Variants in EPHX1 observed in about 807,000 individuals in gnomAD.
EPHX1 encodes the protein epoxide hydrolase 1.
Under a neutral mutation model 43.2 loss-of-function variants are expected in EPHX1, and 40 were observed. The ratio of observed to expected loss-of-function variants is 0.93; its 90% CI spans 0.72 to 1.21. EPHX1 has a LOEUF of 1.21. EPHX1 is among the 50% of genes most tolerant of loss of function. EPHX1 has a pLI of 0.00. For missense variants in EPHX1, 550 were observed against 570.4 expected, an observed-to-expected ratio of 0.96 and a Z score of 0.36; for synonymous variants, 221 against 226.7, an observed-to-expected ratio of 0.98 and a Z score of 0.22.
intron 3 of EPHX1, among the ~76,000 whole-genome samples, chr1:225,836,196 T>TG (rs1559023291): frequency 6.6e-6 from 1 of 152,226 alleles, no homozygotes; most frequent in African/African-American, 2.4e-5. Context: ...GTGTGAGTCC[T>TG]GGATGGGATC....
chr1:225,843,622 C>G (rs1025837678), intron 7 of EPHX1, among the ~76,000 whole-genome samples: 1 of 152,200 alleles, frequency 6.6e-6, no homozygotes, highest in African/African-American at 2.4e-5. Context: ...CTAGGCCACT[C>G]CTGCAGCTCT....
At chr1:225,813,127 G>GA (rs1378967564) in intron 1 of EPHX1, among the ~76,000 whole-genome samples, 2 of 152,224 alleles carry the variant, frequency 1.3e-5, no homozygotes, top group Non-Finnish European at 2.9e-5. Flanking sequence ...TTCAGGAAAG[G>GA]AATGTGTAGG....
chr1:225,823,200 C>CT (rs11331330), intron 1 of EPHX1, among the ~76,000 whole-genome samples: 3 of 148,220 alleles, frequency 2.0e-5, no homozygotes, highest in African/African-American at 2.5e-5. Flanking sequence ...CCCTTTATTA[C>CT]TTTTTTTTTT....
At chr1:225,839,139 T>C in intron 4 of EPHX1, 78 bp from the exon 5 acceptor site, 1 of 1,607,514 alleles carries the variant, frequency 6.2e-7, no homozygotes, top group Non-Finnish European at 8.5e-7. Context: ...GCCTGAGAAA[T>C]TTCATAGAAC....
intron 3 of EPHX1, among the ~76,000 whole-genome samples, chr1:225,836,546 C>T (rs1436562018): frequency 6.6e-6 from 1 of 151,752 alleles, no homozygotes. Context: ...TGCAGTGAGC[C>T]GTGATTGTGC....
chr1:225,825,496 T>C lies in EPHX1; in HGVS notation c.-5-3229T>C, dbSNP rs188396376. ...CAGAAAGGGGAAAGTTGCACATTTA[T>C]ATCCTAGAGGGAAGCGACAGCAGTG... On this transcript the variant is annotated intron_variant, in intron 1 of 8. Coordinates refer to ENST00000272167, the MANE Select transcript of EPHX1 (RefSeq NM_001136018.4). The C allele has an allele frequency of 2.0e-5, 3 of 152,332 alleles. No individual in the cohort carries two copies. The East Asian group carries it at 5.8e-4, about 29-fold the overall frequency. 9.4% of individuals were successfully genotyped at this position (152,332 alleles called of 1,614,324 possible).
intron 2 of EPHX1, among the ~76,000 whole-genome samples, chr1:225,829,946 G>A (rs953087525): frequency 6.6e-6 from 1 of 151,944 alleles, no homozygotes; most frequent in Admixed American, 6.6e-5. Flanking sequence ...ATAGTGGCGG[G>A]CACCTATAAT....
chr1:225,831,797 G>T lies in EPHX1; in HGVS notation c.202G>T (p.Asp68Tyr). The change falls in exon 3 of 9, where the codon GAT becomes TAT. Residue 68 changes from aspartate (D) to tyrosine (Y), a missense_variant. Coordinates refer to ENST00000272167, the MANE Select transcript of EPHX1 (RefSeq NM_001136018.4). ...EEIHDLHQRI[D>Y]KFRFTPPLED... ...GCTCCAGGACTTACACCAGAGGATCGATAAGTTCCGTTTCACCCCACCTTT... is the reference window on the plus strand; with the variant it reads ...GCTCCAGGACTTACACCAGAGGATCTATAAGTTCCGTTTCACCCCACCTTT... 1 of 1,614,018 alleles carries T rather than the reference G, an allele frequency of 6.2e-7. No homozygotes were observed.
At chr1:225,841,864 A>G (rs1233589139) in intron 6 of EPHX1, among the ~76,000 whole-genome samples, 1 of 152,114 alleles carries the variant, frequency 6.6e-6, no homozygotes, top group African/African-American at 2.4e-5. Flanking sequence ...TCACCCTCCC[A>G]AAGTGCTGGG....
At chr1:225,831,757 G>A in intron 2 of EPHX1, 22 bp from the exon 3 acceptor site, 4 of 1,612,682 alleles carry the variant, frequency 2.5e-6, no homozygotes, top group Non-Finnish European at 2.5e-6. Flanking sequence ...CTCTCAACTT[G>A]GGGTCCTGAA....
intron 3 of EPHX1, among the ~76,000 whole-genome samples, chr1:225,833,656 G>A (rs1182843589): frequency 1.3e-5 from 2 of 152,094 alleles, no homozygotes; most frequent in African/African-American, 4.8e-5. Context: ...TTAGCCAGGT[G>A]TGGTGGCGGG....
intron 7 of EPHX1, among the ~76,000 whole-genome samples, chr1:225,843,080 G>C (rs1423958220): frequency 6.6e-6 from 1 of 152,206 alleles, no homozygotes; most frequent in Non-Finnish European, 1.5e-5. Flanking sequence ...TCCTGCCTTG[G>C]GGGTAGGGAC....
At chr1:225,842,046 T>C (rs1378764673) in intron 6 of EPHX1, among the ~76,000 whole-genome samples, 1 of 152,268 alleles carries the variant, frequency 6.6e-6, no homozygotes, top group Non-Finnish European at 1.5e-5. Context: ...ACCCCGCCTT[T>C]TTAAAAACAG....
chr1:225,841,767 A>G (rs1668447787), intron 6 of EPHX1, among the ~76,000 whole-genome samples: 2 of 150,196 alleles, frequency 1.3e-5, no homozygotes, highest in African/African-American at 2.5e-5. Context: ...ATGCCCTGCT[A>G]ATTTTTTTGT....
At chr1:225,844,138 G>A (rs1668688154) in intron 7 of EPHX1, among the ~76,000 whole-genome samples, 1 of 152,180 alleles carries the variant, frequency 6.6e-6, no homozygotes, top group South Asian at 2.1e-4. Context: ...AAGGAGCTTA[G>A]AACATGCTGC....
chr1:225,822,934 G>A (rs955656669), intron 1 of EPHX1, among the ~76,000 whole-genome samples: 41 of 151,710 alleles, frequency 2.7e-4, no homozygotes, highest in Admixed American at 2.4e-3. Context: ...GCGGGACCTT[G>A]GGGTGTGGGC....
chr1:225,821,009 C>T (rs553636819), intron 1 of EPHX1, among the ~76,000 whole-genome samples: 8 of 152,098 alleles, frequency 5.3e-5, no homozygotes, highest in African/African-American at 9.6e-5. Context: ...TTTTCCAAGG[C>T]GCCAATCCAA....
chr1:225,828,664 C>A, intron 1 of EPHX1, 61 bp from the exon 2 acceptor site: 1 of 1,582,456 alleles, frequency 6.3e-7, no homozygotes, highest in Non-Finnish European at 8.6e-7. Context: ...ATCAGAGTCT[C>A]TGGGCTGTCA....
rs780316978 is a variant in EPHX1 at position 225,824,127 on chromosome 1, ACT to A, written c.-5-4595_-5-4594del. On this transcript the variant is annotated intron_variant, in intron 1 of 8. Transcript: ENST00000272167. Reference sequence around the variant, plus strand: ...GTGGGTGCCTGGACTCATTGGTCAGACTCTAAGACCGCCCACCCCCGCCGCCC... The same window carrying A: ...GTGGGTGCCTGGACTCATTGGTCAGACTAAGACCGCCCACCCCCGCCGCCC... Among the ~76,000 whole-genome samples the A allele has an allele frequency of 2.0e-5, 3 of 151,852 alleles. No homozygotes were observed. The East Asian group carries it at 5.8e-4, about 29-fold the overall frequency.
Sources: gnomAD v4.1 joint callset for allele counts (sites outside exome capture counted in the v4.1 genomes callset) on GRCh38, gnomAD v4.1.1 for gene constraint, MANE v1.5 for transcripts, NCBI Gene and HGNC (gene_info 2026-07-23, HGNC 2026-07-21) for gene names.